The following BTBD1 variants were observed in gnomAD, a reference collection of about 807,000 sequenced individuals.
The protein encoded by BTBD1 is BTB domain containing 1.
A neutral mutation model predicts 48.0 loss-of-function variants in BTBD1; 34 were observed. The observed-to-expected ratio is 0.71, with a 90% CI of 0.54 to 0.94. The LOEUF (loss-of-function observed/expected upper bound fraction) is 0.94, where lower values mean the gene tolerates loss of function less well. BTBD1 is among the 40% of genes least tolerant of loss of function. The pLI is 0.00. For synonymous variants in BTBD1, 261 were observed against 242.1 expected (o/e 1.08, Z -0.72); for missense variants, 543 against 625.6 (o/e 0.87, Z 1.41).
chr15:83,066,875 G>T lies in BTBD1; in HGVS notation c.277C>A (p.His93Asn). The T allele has an allele frequency of 6.7e-7, 1 of 1,488,634 alleles. No homozygotes were observed. The highest frequency in any genetic ancestry group is 8.9e-7 in the Non-Finnish European group (1 of 1,122,564). The allele number at this position is 1,488,634 out of a possible 1,614,324, so 92.2% of individuals were successfully genotyped here. A position where few individuals can be genotyped will look rare whatever the true frequency, so the allele number is the denominator to read the frequency against. ...AAGGPQRIPA[H>N]RFVLAAGSAV... ...CTGCCGGCCGCCAGCACGAAGCGGTGGGCGGGGATGCGCTGCGGGCCCCCA... is the reference window on the plus strand; with the variant it reads ...CTGCCGGCCGCCAGCACGAAGCGGTTGGCGGGGATGCGCTGCGGGCCCCCA... The change falls in exon 1 of 8, where the codon CAC (histidine) becomes AAC (asparagine). Residue 93 changes from histidine to asparagine, a missense_variant. Physicochemically the swap from His to Asn is moderately conservative, Grantham distance 68. Coordinates refer to ENST00000261721, the MANE Select transcript of BTBD1 (RefSeq NM_025238.4).
At chr15:83,048,743 T>C (rs985092775) in intron 3 of BTBD1, among the ~76,000 whole-genome samples, 1 of 152,250 alleles carries the variant, frequency 6.6e-6, no homozygotes, top group Non-Finnish European at 1.5e-5. Context: ...TCCTATGGCA[T>C]ATTTCTGGTC....
intron 3 of BTBD1, among the ~76,000 whole-genome samples, chr15:83,043,545 G>C (rs1245748398): frequency 6.6e-6 from 1 of 152,190 alleles, no homozygotes; most frequent in Non-Finnish European, 1.5e-5. Context: ...ATATCAGTTG[G>C]AGGCTCTTGC....
At chr15:83,065,336 A>G (rs151028967) in intron 1 of BTBD1, among the ~76,000 whole-genome samples, 38 of 152,332 alleles carry the variant, frequency 2.5e-4, no homozygotes, top group Non-Finnish European at 4.7e-4. Flanking sequence ...AAAAAATACC[A>G]CTGTCTTTTA....
At chr15:83,044,190 G>A (rs544124540) in intron 3 of BTBD1, among the ~76,000 whole-genome samples, 5 of 152,310 alleles carry the variant, frequency 3.3e-5, no homozygotes, top group Non-Finnish European at 5.9e-5. Context: ...CTGATACTTA[G>A]TGAGCATTAA....
intron 2 of BTBD1, among the ~76,000 whole-genome samples, chr15:83,054,039 G>C (rs769177802): frequency 5.3e-5 from 8 of 151,944 alleles, no homozygotes; most frequent in Non-Finnish European, 1.0e-4. Flanking sequence ...TCTTTAAAAA[G>C]AGAATAAGGA....
At position 83,050,065 on chromosome 15, in the gene BTBD1, G is replaced by C; in HGVS notation, c.664+8C>G. 6.4e-7 allele frequency: 1 copy of C among 1,560,466 alleles called. No homozygotes were observed. Among genetic ancestry groups the C allele is most frequent in the Non-Finnish European group, 8.8e-7 (1 of 1,133,714 alleles). Reference sequence around the variant, plus strand: ...AAAATGTAACAATTTACTTCATAGCGAACTTACCTATATCAATATCAGTAA... The same window carrying C: ...AAAATGTAACAATTTACTTCATAGCCAACTTACCTATATCAATATCAGTAA... On this transcript the variant is annotated splice_region_variant and intron_variant, in intron 3 of 7. Transcript: ENST00000261721.
At chr15:83,041,335 T>G (rs974343312) in intron 4 of BTBD1, among the ~76,000 whole-genome samples, 1 of 152,016 alleles carries the variant, frequency 6.6e-6, no homozygotes, top group African/African-American at 2.4e-5. Flanking sequence ...AATAAAAGCT[T>G]CTTTTCCTCT....
In BTBD1 at chr15:83,018,086, T is replaced by C. The variant is rs766458245; in HGVS notation, c.1430A>G (p.Glu477Gly). 8 of 1,605,798 alleles carry C rather than the reference T, an allele frequency of 5.0e-6. No individual in the cohort carries two copies. The South Asian group carries it at 5.6e-5, about 11-fold the overall frequency. Residue 477 changes from glutamate (E) to glycine (G), a missense_variant, in exon 8 of 8, where the codon GAA (glutamate) becomes GGA (glycine). Physicochemically the swap from Glu to Gly is moderately conservative, Grantham distance 98. Transcript: ENST00000261721. ...GTSIEDGQIP[E>G]IIFYT ...GCTAAATTATGTATAAAATATGATT[T>C]CTGGAATTTGTCCATCTTCTATTGA...
At chr15:83,042,017 ATCTC>A (rs1217006635) in intron 3 of BTBD1, 92 bp from the exon 4 acceptor site, 30 of 1,053,832 alleles carry the variant, frequency 2.8e-5, no homozygotes, top group Admixed American at 2.2e-4. Context: ...AAGTTTTCAG[ATCTC>A]AACAAAAAAT....
At chr15:83,022,855 G>C (rs890697437) in intron 5 of BTBD1, among the ~76,000 whole-genome samples, 11 of 151,994 alleles carry the variant, frequency 7.2e-5, no homozygotes, top group African/African-American at 2.7e-4. Flanking sequence ...CAGCTACTCA[G>C]GAGGCTGAAG....
chr15:83,058,290 C>G (rs1487634945), intron 1 of BTBD1, among the ~76,000 whole-genome samples: 1 of 152,232 alleles, frequency 6.6e-6, no homozygotes, highest in Non-Finnish European at 1.5e-5. Context: ...CTTCCAACTT[C>G]TCTGTCCCTT....
At chr15:83,042,030 A>C in intron 3 of BTBD1, 105 bp from the exon 4 acceptor site, 1 of 909,194 alleles carries the variant, frequency 1.1e-6, no homozygotes, top group Non-Finnish European at 1.7e-6. Context: ...TCAACAAAAA[A>C]TAGGTTAGAC....
At chr15:83,044,475 G>A (rs902172085) in intron 3 of BTBD1, 72 of 1,575,560 alleles carry the variant, frequency 4.6e-5, no homozygotes, top group East Asian at 6.7e-5. Flanking sequence ...AAAAATGGAC[G>A]CAATGGCCAA....
chr15:83,026,195 A>C (rs28662361), intron 5 of BTBD1, among the ~76,000 whole-genome samples: 9,896 of 152,176 alleles, frequency 0.065, 345 homozygotes, highest in Middle Eastern at 0.1. Flanking sequence ...ATGGTTTTTA[A>C]ATATACTTTT....
At chr15:83,051,408 G>T (rs1471708585) in intron 2 of BTBD1, among the ~76,000 whole-genome samples, 1 of 151,232 alleles carries the variant, frequency 6.6e-6, no homozygotes, top group Admixed American at 6.6e-5. Context: ...TGTGTTTTAT[G>T]GGGGAGAAAA....
chr15:83,045,240 A>T (rs947769965), intron 3 of BTBD1, among the ~76,000 whole-genome samples: 10 of 152,222 alleles, frequency 6.6e-5, no homozygotes, highest in Non-Finnish European at 1.5e-4. Flanking sequence ...TCACTCTTGT[A>T]ATCCCAGCAC....
intron 4 of BTBD1, among the ~76,000 whole-genome samples, chr15:83,032,986 A>AAAAAAAAAAAAAAAAAAAAAC (rs1555439417): frequency 2.0e-5 from 3 of 151,372 alleles, no homozygotes; most frequent in African/African-American, 7.3e-5. Context: ...AAAAAAAAAA[A>AAAAAAAAAAAAAAAAAAAAAC]AACAGAATAG....
At chr15:83,062,359 C>T (rs1248570569) in intron 1 of BTBD1, among the ~76,000 whole-genome samples, 1 of 152,074 alleles carries the variant, frequency 6.6e-6, no homozygotes, top group East Asian at 1.9e-4. Flanking sequence ...CTAAAATGGA[C>T]AAGAAATGTG....
chr15:83,042,099 A>G (rs1468342134), intron 3 of BTBD1, among the ~76,000 whole-genome samples, 174 bp from the exon 4 acceptor site: 3 of 152,080 alleles, frequency 2.0e-5, no homozygotes, highest in Non-Finnish European at 4.4e-5. Flanking sequence ...CTTAAACTCC[A>G]AAGTGTTCCA....
Sources: allele counts gnomAD v4.1 joint callset (sites outside exome capture counted in the v4.1 genomes callset), GRCh38; gene constraint gnomAD v4.1.1; transcripts MANE v1.5; gene names NCBI Gene and HGNC (gene_info 2026-07-23, HGNC 2026-07-21).